Variants in FOXN3 observed in about 807,000 individuals in gnomAD.
The protein encoded by FOXN3 is forkhead box protein N3.
FOXN3 carries 7 observed loss-of-function variants against 38.4 expected under a neutral mutation model. That is an observed-to-expected ratio of 0.18 (90% confidence interval 0.10 to 0.34). The LOEUF is 0.34. FOXN3 is among the 10% of genes least tolerant of loss of function. The pLI, the probability that FOXN3 is intolerant of heterozygous loss-of-function variation, is 1.00. For synonymous variants in FOXN3, 230 were observed against 242.2 expected (o/e 0.95, Z 0.47); for missense variants, 456 against 613.4 (o/e 0.74, Z 2.71).
At position 89,451,413 on chromosome 14, in the gene FOXN3, G is replaced by A. The variant is rs554427890; in HGVS notation, c.-14-38923C>T. 7.2e-5 allele frequency among the ~76,000 whole-genome samples: 11 copies of A among 152,274 alleles called. No individual in the cohort carries two copies. The South Asian group carries it at 1.0e-3, about 14-fold the overall frequency. On this transcript the variant is annotated intron_variant, in intron 1 of 6. Coordinates refer to the FOXN3 transcript ENST00000345097. ...CAGGGCTCTAGCTCTAAAAATGACC[G>A]CTGGCTACCTGCCTACGGCCCGTCG... is the stretch of plus-strand genomic sequence containing the variant.
chr14:89,434,092 T>C (rs1198213154), intron 1 of FOXN3, among the ~76,000 whole-genome samples: 4 of 149,774 alleles, frequency 2.7e-5, no homozygotes, highest in Non-Finnish European at 4.4e-5. Context: ...CCCGGCTAAT[T>C]TTAGGTATTT....
At chr14:89,354,140 A>G (rs1889094858) in intron 2 of FOXN3, among the ~76,000 whole-genome samples, 1 of 152,226 alleles carries the variant, frequency 6.6e-6, no homozygotes. Flanking sequence ...ATAGTTGTGT[A>G]GTAAGTTTGA....
intron 1 of FOXN3, among the ~76,000 whole-genome samples, chr14:89,474,561 A>C (rs2139750544): frequency 6.6e-6 from 1 of 152,360 alleles, no homozygotes; most frequent in Non-Finnish European, 1.5e-5. Context: ...AAATTGAATA[A>C]TAAGAATCGT....
chr14:89,219,747 G>A (rs750277754), intron 4 of FOXN3, among the ~76,000 whole-genome samples: 10 of 152,162 alleles, frequency 6.6e-5, no homozygotes, highest in Admixed American at 3.3e-4. Context: ...TTAGAACAGC[G>A]CCTGGTTTGT....
At chr14:89,485,652 T>G (rs1271939935) in intron 1 of FOXN3, among the ~76,000 whole-genome samples, 1 of 152,144 alleles carries the variant, frequency 6.6e-6, no homozygotes, top group Non-Finnish European at 1.5e-5. Context: ...CAGAAACCAC[T>G]GTCCCAGCAG....
intron 1 of FOXN3, among the ~76,000 whole-genome samples, chr14:89,554,782 CTTTTTTTTTTTT>C (rs34530866): frequency 1.5e-5 from 1 of 68,590 alleles, no homozygotes; most frequent in African/African-American, 5.1e-5. Context: ...ACTAGCATTT[CTTTTTTTTTTTT>C]TTTTTTTTTT....
At chr14:89,417,877 G>C (rs559996899), upstream of FOXN3, 1 of 388,494 alleles carries the variant, frequency 2.6e-6, no homozygotes, top group Non-Finnish European at 5.3e-6. Context: ...AAGAGGCACC[G>C]TCCTAAAGGC....
At chr14:89,324,457 T>C (rs941582548) in intron 3 of FOXN3, among the ~76,000 whole-genome samples, 13 of 149,312 alleles carry the variant, frequency 8.7e-5, no homozygotes, top group Middle Eastern at 3.4e-3. Context: ...TGTGTGTGTG[T>C]GTGTGTGTGT....
intron 1 of FOXN3, among the ~76,000 whole-genome samples, chr14:89,605,077 G>C (rs979284577): frequency 1.3e-5 from 2 of 151,718 alleles, no homozygotes; most frequent in Admixed American, 1.3e-4. Flanking sequence ...GTTGGGGGAA[G>C]GAATTATAAG....
rs1891559301 is a variant in FOXN3, at chr14:89,412,120, G to A, written c.357C>T (p.Phe119=). The A allele has an allele frequency of 6.2e-7, 1 of 1,611,884 alleles. No individual in the cohort carries two copies. Among genetic ancestry groups the A allele is most frequent in the Non-Finnish European group, 8.5e-7 (1 of 1,178,822 alleles). Residue 119 remains phenylalanine (F), a synonymous_variant, in exon 2 of 6, where the codon TTC becomes TTT. Transcript: ENST00000557258. This position sits in a 1 kb window ranked among gnomAD's most constrained non-coding sequence, Gnocchi z 4.7. ...CGATGGCCATAAATATGAGGCAGCT[G>A]AAGGAGTAGGGGGGTTTGCAGTTGG... The part of the protein sequence containing the change: ...QNPNCKPPYS[F]SCLIFMAIED...
chr14:89,290,523 G>T, intron 3 of FOXN3: 2 of 523,692 alleles, frequency 3.8e-6, no homozygotes, highest in Admixed American at 2.2e-5. Flanking sequence ...CCCTTTCATC[G>T]GGAGAGCTGA....
intron 4 of FOXN3, among the ~76,000 whole-genome samples, chr14:89,270,500 G>T (rs1357017079): frequency 6.6e-6 from 1 of 152,194 alleles, no homozygotes; most frequent in Non-Finnish European, 1.5e-5. Context: ...CATGAAGTAA[G>T]TACTACTATC....
At chr14:89,266,996 A>C (rs969639713) in intron 4 of FOXN3, among the ~76,000 whole-genome samples, 1 of 152,218 alleles carries the variant, frequency 6.6e-6, no homozygotes, top group South Asian at 2.1e-4. Flanking sequence ...TGTGTATGTA[A>C]AAGCAAAGGG....
At chr14:89,420,885 T>TAAAAAAAA (rs10654363), upstream of FOXN3, among the ~76,000 whole-genome samples, 1 of 140,828 alleles carries the variant, frequency 7.1e-6, no homozygotes, top group Non-Finnish European at 1.5e-5. Context: ...AGATACGAAT[T>TAAAAAAAA]AAAAAAAAAA....
chr14:89,423,911 C>G (rs1413871888), intron 1 of FOXN3, among the ~76,000 whole-genome samples: 2 of 152,172 alleles, frequency 1.3e-5, no homozygotes. Flanking sequence ...GAGTTAACTT[C>G]CCCACCAGAC....
At chr14:89,387,807 T>C (rs914970120) in intron 2 of FOXN3, among the ~76,000 whole-genome samples, 5 of 152,138 alleles carry the variant, frequency 3.3e-5, no homozygotes, top group Non-Finnish European at 7.4e-5. Flanking sequence ...ATGTGCACCA[T>C]GCAAGGTGAA....
At chr14:89,295,329 C>T (rs1310904844) in intron 3 of FOXN3, among the ~76,000 whole-genome samples, 1 of 152,206 alleles carries the variant, frequency 6.6e-6, no homozygotes, top group Non-Finnish European at 1.5e-5. Context: ...CTGTGCAGCT[C>T]ATCTGGGAAT....
At chr14:89,208,236 T>C (rs1888436641) in intron 4 of FOXN3, among the ~76,000 whole-genome samples, 1 of 152,204 alleles carries the variant, frequency 6.6e-6, no homozygotes, top group African/African-American at 2.4e-5. Context: ...GTACGGGCCC[T>C]ACCCATTGGC....
rs996942700 is a variant in FOXN3 at position 89,164,714 on chromosome 14, C to T, written c.852-1745G>A. The stretch of plus-strand genomic sequence containing the variant: ...GTGGGTCTCCACCACCATGACTCAC[C>T]GGGCACACGCTGAGGATACGGCACT... On this transcript the variant is annotated intron_variant, in intron 5 of 5. Transcript: ENST00000557258. This position sits in a 1 kb window ranked among gnomAD's most constrained non-coding sequence, Gnocchi z 4.3. Among the ~76,000 whole-genome samples, 1 of 152,098 alleles carries T rather than the reference C, an allele frequency of 6.6e-6. No homozygotes were observed.
Sources: allele counts gnomAD v4.1 joint callset (sites outside exome capture counted in the v4.1 genomes callset), GRCh38; gene constraint gnomAD v4.1.1; non-coding constraint Gnocchi (gnomAD v3.1); transcripts MANE v1.5; gene names NCBI Gene and HGNC (gene_info 2026-07-23, HGNC 2026-07-21).